Variants in MCRIP1 observed in about 807,000 individuals in gnomAD.
MCRIP1 encodes the protein mapk-regulated corepressor-interacting protein 1.
In MCRIP1, 10 loss-of-function variants were observed where a neutral mutation model predicts 14.4. The observed-to-expected ratio is 0.70, with a 90% CI of 0.43 to 1.18. The LOEUF is 1.18. Among genes scored for constraint, MCRIP1 ranks in the 50% most tolerant of loss-of-function variants. The pLI is 0.00. For missense variants in MCRIP1, 119 were observed against 135.4 expected (o/e 0.88, Z 0.60); for synonymous variants, 53 against 55.7 (o/e 0.95, Z 0.21).
chr17:81,831,386 C>T (rs2038514698), intron 1 of MCRIP1, among the ~76,000 whole-genome samples: 1 of 140,110 alleles, frequency 7.1e-6, no homozygotes, highest in Non-Finnish European at 1.5e-5. Context: ...AGGGCCCCAT[C>T]TCTGCTCTCT....
Position 81,824,348 on chromosome 17 carries a change from T to A in MCRIP1, c.66A>T (p.Pro22=). The change falls in exon 3 of 5, where the codon CCA becomes CCT. Residue 22 remains proline (P), a synonymous_variant. Transcript: ENST00000455127. ...NGKRTSSPRS[P]PSSSEIFTPA... ...GGGTGAAGATCTCGCTGCTGCTGGG[T>A]GGGGAGCGGGGGCTGCTGGTCCTCT... 1 of 1,526,670 alleles carries A rather than the reference T, an allele frequency of 6.6e-7. No individual in the cohort carries two copies. The highest frequency in any genetic ancestry group is 8.8e-7 in the Non-Finnish European group (1 of 1,142,736). The allele number at this position is 1,526,670 out of a possible 1,614,324, so 94.6% of individuals were successfully genotyped here.
intron 1 of MCRIP1, chr17:81,825,184 G>C (rs1032710557): frequency 9.6e-7 from 1 of 1,043,094 alleles, no homozygotes; most frequent in African/African-American, 1.7e-5. Flanking sequence ...GGCAGAGGGG[G>C]TGGCCCTGGA....
At chr17:81,830,823 G>C (rs2038501521) in intron 1 of MCRIP1, among the ~76,000 whole-genome samples, 1 of 150,942 alleles carries the variant, frequency 6.6e-6, no homozygotes, top group Non-Finnish European at 1.5e-5. Context: ...AGGAGTTTGA[G>C]ACCAGCCTGG....
Position 81,823,053 on chromosome 17 carries a change from G to A in MCRIP1, c.*194C>T. The stretch of plus-strand genomic sequence containing the variant: ...GGCCCAGACCCCCATGATGGGGGCA[G>A]CCTGAGACCCCCAAGGATGAAGGAA... On this transcript the variant is annotated 3_prime_UTR_variant, in exon 5 of 5. Transcript: ENST00000455127. This position sits in a 1 kb window ranked among gnomAD's most constrained non-coding sequence, Gnocchi z 6.0. 1.6e-6 allele frequency: 1 copy of A among 634,986 alleles called. No homozygotes were observed. The highest frequency in any genetic ancestry group is 2.8e-6 in the Non-Finnish European group (1 of 358,424). The allele number at this position is 634,986 out of a possible 1,614,324, so 39.3% of individuals were successfully genotyped here.
chr17:81,828,141 A>T (rs892080281), intron 1 of MCRIP1, among the ~76,000 whole-genome samples: 1 of 152,108 alleles, frequency 6.6e-6, no homozygotes, highest in Non-Finnish European at 1.5e-5. Flanking sequence ...TTAGGAAAAG[A>T]AATGTACCCA....
In MCRIP1 at chr17:81,823,326, C is replaced by T. The variant is rs139247195; in HGVS notation, c.230-15G>A. 4.9e-5 allele frequency: 75 copies of T among 1,536,906 alleles called. No homozygotes were observed. The highest frequency in any genetic ancestry group is 3.8e-4 in the African/African-American group (28 of 73,140). On this transcript the variant is annotated splice_polypyrimidine_tract_variant and intron_variant, in intron 4 of 4. Coordinates refer to ENST00000455127, the MANE Select transcript of MCRIP1 (RefSeq NM_207368.5). The surrounding 1 kb of genome is among the most constrained non-coding windows in gnomAD (Gnocchi z 6.0). Reference sequence around the variant, plus strand: ...GGGCTTGAAGGCTGCCAGGGGACAACGCGGTAGGTGGTGGGCACAGGCCCC... The same window carrying T: ...GGGCTTGAAGGCTGCCAGGGGACAATGCGGTAGGTGGTGGGCACAGGCCCC...
intron 1 of MCRIP1, among the ~76,000 whole-genome samples, chr17:81,830,296 A>G (rs2038490898): frequency 6.6e-6 from 1 of 152,238 alleles, no homozygotes; most frequent in South Asian, 2.1e-4. Flanking sequence ...ACGATGATGG[A>G]CAGGACAAGC....
chr17:81,826,259 ATACC>A (rs1471649386), intron 1 of MCRIP1: 30 of 1,531,128 alleles, frequency 2.0e-5, no homozygotes, highest in Non-Finnish European at 2.4e-5. Flanking sequence ...CTGCCCACAC[ATACC>A]TACCTGCACA....
chr17:81,826,733 C>T (rs529623237), intron 1 of MCRIP1: 13 of 220,046 alleles, frequency 5.9e-5, no homozygotes, highest in Middle Eastern at 1.7e-3. Context: ...ACAGGAGAAT[C>T]GCTTGAACCC....
intron 1 of MCRIP1, among the ~76,000 whole-genome samples, chr17:81,829,951 G>A (rs1354159652): frequency 1.3e-5 from 2 of 152,224 alleles, no homozygotes; most frequent in Non-Finnish European, 2.9e-5. Context: ...GTCCCAACTT[G>A]TTTTACCAGG....
At chr17:81,826,176 C>T in intron 1 of MCRIP1, 1 of 1,502,068 alleles carries the variant, frequency 6.7e-7, no homozygotes, top group South Asian at 1.3e-5. Context: ...ACTGATTGCC[C>T]CACATCCTCC....
intron 1 of MCRIP1, chr17:81,826,107 C>T: frequency 6.8e-7 from 1 of 1,480,424 alleles, no homozygotes; most frequent in Non-Finnish European, 9.0e-7. Flanking sequence ...TTTATGCAGC[C>T]ACACCTTTGG....
In MCRIP1 at chr17:81,823,897, G is replaced by A; in HGVS notation, c.128-384C>T. On this transcript the variant is annotated intron_variant, in intron 3 of 4. Coordinates refer to ENST00000455127, the MANE Select transcript of MCRIP1 (RefSeq NM_207368.5). This position sits in a 1 kb window ranked among gnomAD's most constrained non-coding sequence, Gnocchi z 6.0. ...CCCTAATCCCAGACAACCACCTCCC[G>A]GCCACTTCTGCAACACGCCCGTTCA... is the stretch of plus-strand genomic sequence containing the variant. 9 of 514,896 alleles carry A rather than the reference G, an allele frequency of 1.7e-5. No homozygotes were observed. The highest frequency in any genetic ancestry group is 2.8e-5 in the Non-Finnish European group (8 of 290,320). 31.9% of individuals were successfully genotyped at this position (514,896 alleles called of 1,614,324 possible).
chr17:81,826,620 G>C (rs1020823788), intron 1 of MCRIP1: 8 of 515,514 alleles, frequency 1.6e-5, no homozygotes, highest in Non-Finnish European at 2.0e-5. Context: ...AGGAGTTTGA[G>C]AGCAGCCTGG....
Position 81,823,937 on chromosome 17 carries a change from CCTGT to C in MCRIP1, c.127+346_127+349del, listed in dbSNP as rs1346891816. ...ACGCCCGTTCATGGCTGGATGCGTG[CCTGT>C]CTGTCTTCAAAGGCCCCTCCCTTTC... On this transcript the variant is annotated intron_variant, in intron 3 of 4. Transcript: ENST00000455127. This position sits in a 1 kb window ranked among gnomAD's most constrained non-coding sequence, Gnocchi z 6.0. 31 of 513,838 alleles carry C rather than the reference CCTGT, an allele frequency of 6.0e-5. No homozygotes were observed. The East Asian group carries it at 1.1e-3, about 18-fold the overall frequency. 31.8% of individuals were successfully genotyped at this position (513,838 alleles called of 1,614,324 possible).
intron 1 of MCRIP1, chr17:81,824,844 C>A: frequency 7.7e-7 from 1 of 1,297,450 alleles, no homozygotes. Context: ...CAGGCTCAGA[C>A]GTGGAGGCCT....
chr17:81,830,227 G>A (rs749266326), intron 1 of MCRIP1, among the ~76,000 whole-genome samples: 2 of 152,256 alleles, frequency 1.3e-5, no homozygotes, highest in African/African-American at 4.8e-5. Context: ...CAATAGGGAC[G>A]GAAGCACAGC....
chr17:81,826,386 T>C, intron 1 of MCRIP1: 1 of 1,535,402 alleles, frequency 6.5e-7, no homozygotes. Context: ...ACACCTGGTG[T>C]GGCAGCATGC....
intron 1 of MCRIP1, among the ~76,000 whole-genome samples, chr17:81,830,761 G>A (rs940004336): frequency 6.6e-6 from 1 of 151,350 alleles, no homozygotes; most frequent in East Asian, 1.9e-4. Context: ...GGTGACTCAC[G>A]CCTGTAATCC....
Sources: gnomAD v4.1 joint callset for allele counts (sites outside exome capture counted in the v4.1 genomes callset) on GRCh38, gnomAD v4.1.1 for gene constraint, Gnocchi (gnomAD v3.1) non-coding constraint, MANE v1.5 for transcripts, NCBI Gene and HGNC (gene_info 2026-07-23, HGNC 2026-07-21) for gene names.